The following KLF8 variants were observed in gnomAD, a reference collection of about 807,000 sequenced individuals.
The protein encoded by KLF8 is KLF transcription factor 8.
Under a neutral mutation model 18.2 loss-of-function variants are expected in KLF8, and 10 were observed. The observed-to-expected ratio is 0.55, with a 90% CI of 0.34 to 0.93. The LOEUF (loss-of-function observed/expected upper bound fraction) is 0.93. KLF8 is among the 40% of genes least tolerant of loss of function. The pLI, the probability that KLF8 is intolerant of heterozygous loss-of-function variation, is 0.02. For missense variants in KLF8, 264 were observed against 277.9 expected, an observed-to-expected ratio of 0.95 and a Z score of 0.36; for synonymous variants, 109 against 97.3, an observed-to-expected ratio of 1.12 and a Z score of -0.71.
chrX:56,063,594 C>T, the KLF8 span, among the ~76,000 whole-genome samples: 1 of 111,615 alleles, frequency 9.0e-6, no homozygotes, highest in Non-Finnish European at 1.9e-5. Context: ...ATGAGATGTC[C>T]CTGCTGGGAG....
At chrX:55,942,971 C>A in the KLF8 span, among the ~76,000 whole-genome samples, 1 of 111,439 alleles carries the variant, frequency 9.0e-6, no homozygotes, top group African/African-American at 3.3e-5. Context: ...GAGACTGTGG[C>A]CCAAGAAAGA....
upstream of KLF8, among the ~76,000 whole-genome samples, chrX:56,228,143 A>G (rs2066381287): frequency 8.9e-6 from 1 of 112,338 alleles, no homozygotes; most frequent in Admixed American, 9.4e-5. Context: ...GTTTATTTAT[A>G]CATACAGTGG....
At chrX:56,075,293 C>T in the KLF8 span, among the ~76,000 whole-genome samples, 2 of 111,006 alleles carry the variant, frequency 1.8e-5, no homozygotes, top group Non-Finnish European at 3.8e-5. Flanking sequence ...AGGGATACAA[C>T]CTATTTTGCA....
the KLF8 span, among the ~76,000 whole-genome samples, chrX:55,931,981 A>G: frequency 1.8e-5 from 2 of 109,758 alleles, no homozygotes; most frequent in Admixed American, 1.9e-4. Flanking sequence ...AATATCTCCC[A>G]CTATTATTGT....
At chrX:56,058,207 C>A in the KLF8 span, among the ~76,000 whole-genome samples, 1 of 77,986 alleles carries the variant, frequency 1.3e-5, no homozygotes, top group Non-Finnish European at 2.3e-5. Context: ...TATATATACA[C>A]ATATATATAC....
chrX:56,172,738 C>T, the KLF8 span, among the ~76,000 whole-genome samples: 1 of 111,838 alleles, frequency 8.9e-6, no homozygotes, highest in Non-Finnish European at 1.9e-5. Flanking sequence ...TAAAAGTGTT[C>T]CTATTTCTCC....
the KLF8 span, among the ~76,000 whole-genome samples, chrX:55,983,060 CTG>C: frequency 9.0e-6 from 1 of 111,672 alleles, no homozygotes; most frequent in Admixed American, 9.5e-5. Flanking sequence ...TTTTTTAAAT[CTG>C]TGGTAGAAAA....
the KLF8 span, among the ~76,000 whole-genome samples, chrX:56,113,940 G>A: frequency 9.0e-6 from 1 of 111,506 alleles, no homozygotes; most frequent in African/African-American, 3.3e-5. Flanking sequence ...TGGATTGTCC[G>A]GATTCCTCAG....
At chrX:56,033,081 G>A in the KLF8 span, among the ~76,000 whole-genome samples, 657 of 111,251 alleles carry the variant, frequency 5.9e-3, 4 homozygotes, top group Non-Finnish European at 9.3e-3. Flanking sequence ...AATGCAGTAT[G>A]ATTGAACTAA....
the KLF8 span, among the ~76,000 whole-genome samples, chrX:56,072,863 T>A: frequency 6.2e-5 from 7 of 112,009 alleles, no homozygotes; most frequent in East Asian, 2.0e-3. Flanking sequence ...TAACTCTCCC[T>A]TCCTGCAGTT....
At chrX:56,014,233 C>T in the KLF8 span, among the ~76,000 whole-genome samples, 9 of 112,043 alleles carry the variant, frequency 8.0e-5, no homozygotes, top group Non-Finnish European at 1.5e-4. Context: ...TGCAACCTAT[C>T]CATCTGACAA....
the KLF8 span, among the ~76,000 whole-genome samples, chrX:56,025,629 T>C: frequency 8.9e-6 from 1 of 111,838 alleles, no homozygotes; most frequent in Non-Finnish European, 1.9e-5. Context: ...TGTCGAATTT[T>C]AGGGTTACAT....
chrX:56,280,196 A>G (rs1251993174), intron 5 of KLF8, among the ~76,000 whole-genome samples: 1 of 111,799 alleles, frequency 8.9e-6, no homozygotes, highest in African/African-American at 3.3e-5. Flanking sequence ...GGCATCACCC[A>G]TTTTCCCAGG....
the KLF8 span, among the ~76,000 whole-genome samples, chrX:55,963,683 AAC>A: frequency 2.7e-3 from 301 of 112,462 alleles, 3 homozygotes; most frequent in African/African-American, 8.6e-3. Flanking sequence ...GAAAGGCTTC[AAC>A]ACACCACAAA....
chrX:56,112,396 G>A, the KLF8 span, among the ~76,000 whole-genome samples: 2 of 111,342 alleles, frequency 1.8e-5, no homozygotes, highest in African/African-American at 6.5e-5. Flanking sequence ...GGGTTGATGG[G>A]TGCAGCAAAC....
the KLF8 span, among the ~76,000 whole-genome samples, chrX:56,190,906 G>T: frequency 1.8e-5 from 2 of 111,117 alleles, no homozygotes; most frequent in Non-Finnish European, 3.8e-5. Flanking sequence ...GCATCTTAAA[G>T]AACTAGAAGA....
At chrX:56,080,721 C>T in the KLF8 span, among the ~76,000 whole-genome samples, 2 of 111,729 alleles carry the variant, frequency 1.8e-5, no homozygotes, top group African/African-American at 3.3e-5. Flanking sequence ...GGAAATTCTC[C>T]TGGATAATAT....
chrX:56,062,553 G>T, the KLF8 span, among the ~76,000 whole-genome samples: 3 of 112,176 alleles, frequency 2.7e-5, no homozygotes, highest in South Asian at 3.7e-4. Flanking sequence ...AGAGAGATCT[G>T]CTGTTAGTCT....
At chrX:56,127,191 T>C in the KLF8 span, among the ~76,000 whole-genome samples, 1 of 111,772 alleles carries the variant, frequency 8.9e-6, no homozygotes, top group African/African-American at 3.3e-5. Context: ...TATTATATAT[T>C]GTTTATTGTC....
Sources: gnomAD v4.1 joint callset for allele counts (sites outside exome capture counted in the v4.1 genomes callset) on GRCh38, gnomAD v4.1.1 for gene constraint, MANE v1.5 for transcripts, NCBI Gene and HGNC (gene_info 2026-07-23, HGNC 2026-07-21) for gene names.